Variants in SDK1 observed in about 807,000 individuals in gnomAD.
SDK1 encodes protein sidekick-1.
SDK1 carries 157 observed loss-of-function variants against 245.5 expected under a neutral mutation model. The observed-to-expected ratio is 0.64, with a 90% confidence interval of 0.56 to 0.73. The LOEUF (loss-of-function observed/expected upper bound fraction) is 0.73, where lower values mean the gene tolerates loss of function less well. SDK1 is among the 30% of genes least tolerant of loss of function. SDK1 has a pLI of 0.00. For missense variants in SDK1, 3,583 were observed against 3,002.3 expected, an observed-to-expected ratio of 1.19 and a Z score of -4.52; for synonymous variants, 1,647 against 1,278.5, an observed-to-expected ratio of 1.29 and a Z score of -6.15.
At chr7:3,390,672 G>A (rs1447571869) in intron 1 of SDK1, among the ~76,000 whole-genome samples, 1 of 152,146 alleles carries the variant, frequency 6.6e-6, no homozygotes, top group African/African-American at 2.4e-5. Context: ...GATAGACGCA[G>A]ATATTGGAGT....
chr7:3,575,779 A>G (rs879383212), intron 1 of SDK1, among the ~76,000 whole-genome samples: 2 of 152,018 alleles, frequency 1.3e-5, no homozygotes, highest in South Asian at 2.1e-4. Flanking sequence ...TTCCCAGTCT[A>G]TCATGTGTCA....
intron 4 of SDK1, among the ~76,000 whole-genome samples, chr7:3,760,339 C>T (rs938305540): frequency 6.6e-6 from 1 of 152,156 alleles, no homozygotes; most frequent in Non-Finnish European, 1.5e-5. Context: ...AATGTGCATG[C>T]ATACATTCCC....
intron 1 of SDK1, among the ~76,000 whole-genome samples, chr7:3,613,379 A>G (rs1781666076): frequency 6.6e-6 from 1 of 152,158 alleles, no homozygotes; most frequent in South Asian, 2.1e-4. Context: ...AAAACCTTAA[A>G]TGTTTACTTA....
chr7:3,596,307 A>G (rs1781060370), intron 1 of SDK1, among the ~76,000 whole-genome samples: 3 of 152,172 alleles, frequency 2.0e-5, no homozygotes, highest in African/African-American at 4.8e-5. Context: ...TTAGCACAAT[A>G]ATTGGTACAA....
intron 29 of SDK1, among the ~76,000 whole-genome samples, chr7:4,147,997 C>A (rs1406886978): frequency 6.6e-6 from 1 of 151,520 alleles, no homozygotes; most frequent in African/African-American, 2.4e-5. Flanking sequence ...CCACACTATG[C>A]CACCTGATTA....
intron 4 of SDK1, among the ~76,000 whole-genome samples, chr7:3,748,140 T>C (rs1779677477): frequency 6.6e-6 from 1 of 152,182 alleles, no homozygotes; most frequent in African/African-American, 2.4e-5. Flanking sequence ...GTTAATGCTA[T>C]AATATTAAAC....
At chr7:4,003,393 T>G (rs1785220308) in intron 14 of SDK1, among the ~76,000 whole-genome samples, 1 of 152,220 alleles carries the variant, frequency 6.6e-6, no homozygotes, top group Non-Finnish European at 1.5e-5. Flanking sequence ...GTATGGTGCC[T>G]TTGTCCATTC....
At chr7:3,605,037 C>G (rs920272854) in intron 1 of SDK1, among the ~76,000 whole-genome samples, 1 of 151,792 alleles carries the variant, frequency 6.6e-6, no homozygotes, top group Non-Finnish European at 1.5e-5. Flanking sequence ...AGAGGATACA[C>G]TCTGTATAAA....
chr7:4,254,483 A>G (rs971955340), intron 44 of SDK1, among the ~76,000 whole-genome samples: 4 of 152,132 alleles, frequency 2.6e-5, no homozygotes, highest in South Asian at 2.1e-4. Context: ...AATAATTTCT[A>G]TCACTTTATT....
At chr7:3,614,348 G>C (rs1186370346) in intron 1 of SDK1, among the ~76,000 whole-genome samples, 1 of 152,136 alleles carries the variant, frequency 6.6e-6, no homozygotes, top group Non-Finnish European at 1.5e-5. Context: ...GAATACAGAA[G>C]TATTCCTAAC....
At chr7:4,198,757 G>A (rs1297485777) in intron 35 of SDK1, among the ~76,000 whole-genome samples, 1 of 151,710 alleles carries the variant, frequency 6.6e-6, no homozygotes, top group Non-Finnish European at 1.5e-5. Flanking sequence ...TCATTCTGAG[G>A]CCTCTGACTT....
At chr7:4,073,508 C>T (rs999580500) in intron 20 of SDK1, among the ~76,000 whole-genome samples, 24 of 152,260 alleles carry the variant, frequency 1.6e-4, no homozygotes, top group African/African-American at 5.5e-4. Flanking sequence ...AGCTCTAGGT[C>T]GACATGACAA....
In SDK1 at chr7:3,301,626, G is replaced by A. The variant is rs1779260448; in HGVS notation, c.40G>A (p.Gly14Ser). 6.1e-6 allele frequency: 6 copies of A among 977,816 alleles called. No individual in the cohort carries two copies. Among genetic ancestry groups the A allele is most frequent in the Non-Finnish European group, 7.3e-6 (6 of 826,762 alleles). The allele number at this position is 977,816 out of a possible 1,614,324, so 60.6% of individuals were successfully genotyped here. ...GARPSAAGGG[G>S]GGAEPPERAG... ...CCGGCCCTCGGCGGCCGGTGGCGGC[G>A]GCGGCGGCGCGGAGCCCCCTGAGCG... Residue 14 changes from glycine (G) to serine (S), a missense_variant, in exon 1 of 45, where the codon GGC (glycine) becomes AGC (serine). Transcript: ENST00000404826.
At chr7:4,258,878 T>G (rs183551260) in intron 44 of SDK1, among the ~76,000 whole-genome samples, 38 of 152,346 alleles carry the variant, frequency 2.5e-4, no homozygotes, top group African/African-American at 8.2e-4. Context: ...ACTAAATTTC[T>G]GTCATTCGTT....
At chr7:3,794,971 A>G (rs1429821853) in intron 4 of SDK1, among the ~76,000 whole-genome samples, 1 of 151,866 alleles carries the variant, frequency 6.6e-6, no homozygotes, top group Admixed American at 6.6e-5. Flanking sequence ...TGTTGTTACT[A>G]TTACAGTATT....
chr7:3,620,982 G>A lies in SDK1; in HGVS notation c.458+1743G>A, dbSNP rs141830122. The stretch of plus-strand genomic sequence containing the variant: ...TGAATCCTAGGACTGGCAGAATTCA[G>A]CTCCACCACACCTGAGCAATGGTGT... On this transcript the variant is annotated intron_variant, in intron 2 of 44. Transcript: ENST00000404826. Among the ~76,000 whole-genome samples, 589 of 152,256 alleles carry A rather than the reference G, an allele frequency of 3.9e-3. 5 individuals are homozygous for A. The highest frequency in any genetic ancestry group is 0.014 in the African/African-American group (575 of 41,558).
At chr7:3,694,181 A>G (rs1175940472) in intron 4 of SDK1, among the ~76,000 whole-genome samples, 1 of 152,218 alleles carries the variant, frequency 6.6e-6, no homozygotes, top group East Asian at 1.9e-4. Flanking sequence ...CTCAGTCTCC[A>G]AACTCGTATA....
At position 4,267,320 on chromosome 7, in the gene SDK1, C is replaced by T; in HGVS notation, c.*1936C>T. 1.1e-6 allele frequency: 1 copy of T among 902,202 alleles called. No individual in the cohort carries two copies. Among genetic ancestry groups the T allele is most frequent in the Non-Finnish European group, 1.3e-6 (1 of 754,814 alleles). 55.9% of individuals were successfully genotyped at this position (902,202 alleles called of 1,614,324 possible). A position where few individuals can be genotyped will look rare whatever the true frequency, so the allele number is the denominator to read the frequency against. On this transcript the variant is annotated 3_prime_UTR_variant, in exon 45 of 45. Coordinates refer to ENST00000404826, the MANE Select transcript of SDK1 (RefSeq NM_152744.4). ...TTCCCTCCCTTCTTTCCCTCCCTCC[C>T]TTCCTCTCTCCCCTATTCCTTCTTC...
chr7:4,034,457 G>T (rs536125448), intron 17 of SDK1, among the ~76,000 whole-genome samples: 1 of 152,198 alleles, frequency 6.6e-6, no homozygotes. Context: ...CCTCATGTTA[G>T]CAGCTCACTC....
Sources: gnomAD v4.1 joint callset for allele counts (sites outside exome capture counted in the v4.1 genomes callset) on GRCh38, gnomAD v4.1.1 for gene constraint, MANE v1.5 for transcripts, NCBI Gene and HGNC (gene_info 2026-07-23, HGNC 2026-07-21) for gene names.